Variants in NRG3 observed in about 807,000 individuals in gnomAD.
NRG3 encodes pro-neuregulin-3, membrane-bound isoform.
NRG3 carries 31 observed loss-of-function variants against 66.9 expected under a neutral mutation model. The observed-to-expected ratio is 0.46, with a 90% CI of 0.35 to 0.63. The LOEUF (loss-of-function observed/expected upper bound fraction) is 0.63, where lower values mean the gene tolerates loss of function less well. Among genes scored for constraint, NRG3 ranks in the 20% least tolerant of loss-of-function variants. The pLI is 0.00. For synonymous variants in NRG3, 393 were observed against 359.4 expected, an observed-to-expected ratio of 1.09 and a Z score of -1.06; for missense variants, 910 against 878.9, an observed-to-expected ratio of 1.04 and a Z score of -0.45.
chr10:82,140,362 G>C (rs2069678252), intron 1 of NRG3, among the ~76,000 whole-genome samples: 1 of 152,050 alleles, frequency 6.6e-6, no homozygotes, highest in East Asian at 1.9e-4. Flanking sequence ...GTTTAACAGT[G>C]GCTTCTTGAT....
chr10:81,961,035 G>A (rs1850308695), intron 1 of NRG3, among the ~76,000 whole-genome samples: 1 of 152,086 alleles, frequency 6.6e-6, no homozygotes, highest in Non-Finnish European at 1.5e-5. Context: ...TGGCTTACCT[G>A]CACCTTCTAA....
intron 3 of NRG3, among the ~76,000 whole-genome samples, chr10:82,767,572 C>T (rs959265608): frequency 6.6e-6 from 1 of 151,866 alleles, no homozygotes; most frequent in African/African-American, 2.4e-5. Context: ...TCTGTTTTCT[C>T]ATTCTTAAAT....
chr10:82,203,562 G>T (rs929499013), intron 1 of NRG3, among the ~76,000 whole-genome samples: 9 of 152,098 alleles, frequency 5.9e-5, no homozygotes, highest in African/African-American at 2.2e-4. Flanking sequence ...AATTGACTTT[G>T]TCTGGAAATT....
chr10:82,837,943 G>A lies in NRG3; in HGVS notation c.1028-27468G>A, dbSNP rs1006469424. 2.6e-5 allele frequency among the ~76,000 whole-genome samples: 4 copies of A among 152,130 alleles called. No homozygotes were observed. The East Asian group carries it at 7.7e-4, about 29-fold the overall frequency. On this transcript the variant is annotated intron_variant, in intron 3 of 8. Transcript: ENST00000372141. ...GTACCTGCATGTACGCATTCTCAGA[G>A]TATGTGGAAATTGGCTTATTTCAAA...
At chr10:82,261,242 G>A (rs776512694) in intron 1 of NRG3, among the ~76,000 whole-genome samples, 7 of 152,080 alleles carry the variant, frequency 4.6e-5, no homozygotes, top group Non-Finnish European at 1.0e-4. Flanking sequence ...CATGAGATCT[G>A]ATGGTTTTAT....
At chr10:82,294,783 T>C (rs1374480002) in intron 1 of NRG3, among the ~76,000 whole-genome samples, 1 of 152,190 alleles carries the variant, frequency 6.6e-6, no homozygotes, top group African/African-American at 2.4e-5. Context: ...GAATTCATCA[T>C]GCATAATTTC....
At chr10:81,958,329 G>A (rs754988494) in intron 1 of NRG3, among the ~76,000 whole-genome samples, 14 of 152,156 alleles carry the variant, frequency 9.2e-5, no homozygotes, top group Admixed American at 1.3e-4. Flanking sequence ...GGAAAAACAC[G>A]TTTATAAGCT....
intron 1 of NRG3, among the ~76,000 whole-genome samples, chr10:82,191,206 A>G (rs1315453624): frequency 6.6e-6 from 1 of 152,152 alleles, no homozygotes; most frequent in Non-Finnish European, 1.5e-5. Flanking sequence ...AATTGACTTG[A>G]GTAACAATGC....
intron 3 of NRG3, among the ~76,000 whole-genome samples, chr10:82,810,638 C>T (rs2061452163): frequency 6.6e-6 from 1 of 151,334 alleles, no homozygotes; most frequent in Non-Finnish European, 1.5e-5. Context: ...TGGTGGGTGC[C>T]TGTAATCCCA....
At chr10:82,105,135 T>A (rs2066981697) in intron 1 of NRG3, among the ~76,000 whole-genome samples, 1 of 152,144 alleles carries the variant, frequency 6.6e-6, no homozygotes. Flanking sequence ...TCAATGGAAA[T>A]AGAATCTTTG....
intron 2 of NRG3, among the ~76,000 whole-genome samples, chr10:82,536,489 G>A (rs117061004): frequency 0.023 from 3,521 of 152,212 alleles, 66 homozygotes; most frequent in Non-Finnish European, 0.034. Flanking sequence ...ACTTATATGT[G>A]GGGGATGGGG....
chr10:82,178,123 C>T (rs1416311329), intron 1 of NRG3, among the ~76,000 whole-genome samples: 1 of 151,924 alleles, frequency 6.6e-6, no homozygotes, highest in African/African-American at 2.4e-5. Flanking sequence ...AAAAATAAAA[C>T]CAATGTATTA....
chr10:82,862,714 A>G (rs1029238462), intron 3 of NRG3, among the ~76,000 whole-genome samples: 1 of 152,204 alleles, frequency 6.6e-6, no homozygotes, highest in African/African-American at 2.4e-5. Context: ...TCGCTTTGAT[A>G]TAAACTTCTT....
In NRG3 at chr10:82,738,629, G is replaced by T; in HGVS notation, c.1006G>T (p.Asp336Tyr). 1 of 1,614,126 alleles carries T rather than the reference G, an allele frequency of 6.2e-7. No homozygotes were observed. Among genetic ancestry groups the T allele is most frequent in the South Asian group, 1.1e-5 (1 of 91,090 alleles). ...VRCDQFLPKT[D>Y]SILSDPTDHL... ...TTGTGATCAATTTCTGCCGAAAACT[G>T]ATTCCATCTTATCGGATCCAAGTAG... Residue 336 changes from aspartate (D) to tyrosine (Y), a missense_variant, in exon 3 of 9, where the codon GAT becomes TAT. By Grantham distance (160) the Asp-to-Tyr change is radical. Coordinates refer to ENST00000372141, the MANE Select transcript of NRG3 (RefSeq NM_001010848.4).
At chr10:82,413,509 G>A (rs1004536537) in intron 2 of NRG3, among the ~76,000 whole-genome samples, 2 of 152,176 alleles carry the variant, frequency 1.3e-5, no homozygotes, top group East Asian at 1.9e-4. Context: ...TACAGTTTCC[G>A]GAATGATAAA....
chr10:82,776,598 T>C (rs1341588067), intron 3 of NRG3, among the ~76,000 whole-genome samples: 2 of 152,100 alleles, frequency 1.3e-5, no homozygotes, highest in African/African-American at 4.8e-5. Flanking sequence ...ATAAGTCCCA[T>C]AGACTTTCTT....
intron 1 of NRG3, among the ~76,000 whole-genome samples, chr10:82,220,510 T>G (rs2075890257): frequency 6.6e-6 from 1 of 152,020 alleles, no homozygotes; most frequent in African/African-American, 2.4e-5. Flanking sequence ...AGGAAGAAGA[T>G]CTGGGAGATT....
At chr10:82,927,218 C>A (rs1847089548) in intron 4 of NRG3, among the ~76,000 whole-genome samples, 1 of 152,138 alleles carries the variant, frequency 6.6e-6, no homozygotes, top group Non-Finnish European at 1.5e-5. Context: ...GCCTGACAGT[C>A]TCTTTATTTA....
At chr10:81,973,652 C>T (rs2060011974) in intron 1 of NRG3, among the ~76,000 whole-genome samples, 2 of 152,112 alleles carry the variant, frequency 1.3e-5, no homozygotes, top group South Asian at 2.1e-4. Context: ...GCATTTCTCT[C>T]ATAATTAGTG....
Sources: allele counts gnomAD v4.1 joint callset (sites outside exome capture counted in the v4.1 genomes callset), GRCh38; gene constraint gnomAD v4.1.1; transcripts MANE v1.5; gene names NCBI Gene and HGNC (gene_info 2026-07-23, HGNC 2026-07-21).